Variants in VPS53 observed in about 807,000 individuals in gnomAD.
VPS53 encodes VPS53 subunit of GARP complex, also known as vacuolar protein sorting-associated protein 53 homolog.
VPS53 carries 70 observed loss-of-function variants against 107.0 expected under a neutral mutation model. That is an observed-to-expected ratio of 0.65 (90% CI 0.54 to 0.80). The LOEUF (loss-of-function observed/expected upper bound fraction) is 0.80, where lower values mean the gene tolerates loss of function less well. Ranked by LOEUF, VPS53 falls within the 30% of genes least tolerant of loss-of-function variation. The pLI, the probability that VPS53 is intolerant of heterozygous loss-of-function variation, is 0.00. For synonymous variants in VPS53, 409 were observed against 393.3 expected (o/e 1.04, Z -0.47); for missense variants, 917 against 1,049.4 (o/e 0.87, Z 1.74).
In VPS53 at chr17:657,359, G is replaced by C. The variant is rs143421272; in HGVS notation, c.373-1406C>G. ...TTATATCAGTTCGGACCGTGCCATCGATCTTAATGAACCGCTGCATGCAAA... is the reference window on the plus strand; with the variant it reads ...TTATATCAGTTCGGACCGTGCCATCCATCTTAATGAACCGCTGCATGCAAA... On this transcript the variant is annotated intron_variant, in intron 5 of 21. Transcript: ENST00000437048. The C allele has an allele frequency of 3.9e-6, 3 of 768,584 alleles. No individual in the cohort carries two copies. In the East Asian group the frequency reaches 7.3e-5, roughly 19 times the overall value. 47.6% of individuals were successfully genotyped at this position (768,584 alleles called of 1,614,324 possible).
intron 11 of VPS53, among the ~76,000 whole-genome samples, chr17:604,310 G>GC (rs1968462663): frequency 6.6e-6 from 1 of 152,048 alleles, no homozygotes; most frequent in Non-Finnish European, 1.5e-5. Context: ...CTGGCGTAAA[G>GC]CATCAAGAAA....
At chr17:700,684 T>C (rs2143941708) in intron 2 of VPS53, among the ~76,000 whole-genome samples, 1 of 152,110 alleles carries the variant, frequency 6.6e-6, no homozygotes, top group South Asian at 2.1e-4. Context: ...GATGAGAAAA[T>C]GTGAGGAAAT....
intron 4 of VPS53, among the ~76,000 whole-genome samples, chr17:663,415 G>A (rs747817204): frequency 5.9e-5 from 9 of 151,816 alleles, no homozygotes; most frequent in African/African-American, 7.3e-5. Context: ...GCACTGGACC[G>A]TCCGTGAGTA....
intron 4 of VPS53, among the ~76,000 whole-genome samples, chr17:689,400 C>T (rs899853971): frequency 1.3e-5 from 2 of 151,758 alleles, no homozygotes; most frequent in Non-Finnish European, 2.9e-5. Flanking sequence ...TGGGCTCACG[C>T]AATCCTCCTA....
intron 5 of VPS53, among the ~76,000 whole-genome samples, chr17:660,295 G>A (rs1971389603): frequency 6.6e-6 from 1 of 151,988 alleles, no homozygotes; most frequent in Non-Finnish European, 1.5e-5. Context: ...ATAAGGTTGT[G>A]GTGAGGGCTA....
At chr17:582,240 C>A (rs930328822) in intron 13 of VPS53, among the ~76,000 whole-genome samples, 3 of 147,384 alleles carry the variant, frequency 2.0e-5, no homozygotes, top group African/African-American at 4.9e-5. Context: ...CCCAGAGAAC[C>A]TCCCTCAGAA....
intron 2 of VPS53, among the ~76,000 whole-genome samples, chr17:709,695 T>C (rs1472467353): frequency 6.6e-6 from 1 of 151,964 alleles, no homozygotes; most frequent in Non-Finnish European, 1.5e-5. Flanking sequence ...ACTGAAAAAA[T>C]GGAAACGAAG....
At chr17:610,350 G>A (rs966002410) in intron 11 of VPS53, among the ~76,000 whole-genome samples, 1 of 152,124 alleles carries the variant, frequency 6.6e-6, no homozygotes, top group Non-Finnish European at 1.5e-5. Context: ...ATTTTCATAT[G>A]TGTGTGTGAG....
intron 13 of VPS53, among the ~76,000 whole-genome samples, chr17:570,900 G>C (rs148323662): frequency 7.2e-5 from 11 of 152,260 alleles, no homozygotes; most frequent in Non-Finnish European, 1.2e-4. Flanking sequence ...TTGTATCAAC[G>C]TTAATTTCCT....
intron 15 of VPS53, among the ~76,000 whole-genome samples, chr17:558,397 G>C (rs1362126724): frequency 6.6e-6 from 1 of 152,164 alleles, no homozygotes; most frequent in Non-Finnish European, 1.5e-5. Flanking sequence ...ACTTTGGGAG[G>C]CCAAGACGGG....
intron 17 of VPS53, among the ~76,000 whole-genome samples, chr17:549,411 A>G (rs190836481): frequency 6.6e-6 from 1 of 152,034 alleles, no homozygotes; most frequent in Non-Finnish European, 1.5e-5. Context: ...TTTTCCTATG[A>G]TATAAACAAA....
At chr17:707,844 CA>C (rs10708313) in intron 2 of VPS53, among the ~76,000 whole-genome samples, 27,625 of 126,844 alleles carry the variant, frequency 0.22, 3,115 homozygotes, top group Non-Finnish European at 0.29. Flanking sequence ...AACTCTCTTT[CA>C]AAAAAAAAAA....
intron 7 of VPS53, among the ~76,000 whole-genome samples, chr17:644,685 G>C (rs1299552348): frequency 6.6e-6 from 1 of 151,660 alleles, no homozygotes; most frequent in Non-Finnish European, 1.5e-5. Context: ...CGGAGCTCAA[G>C]TGATCCTCCC....
At chr17:699,145 C>A (rs1218628129) in intron 3 of VPS53, among the ~76,000 whole-genome samples, 186 bp downstream of exon 3, 1 of 151,842 alleles carries the variant, frequency 6.6e-6, no homozygotes, top group Non-Finnish European at 1.5e-5. Context: ...CCAGCCTAGG[C>A]AATGAGCAAA....
At chr17:688,721 C>G (rs544445176) in intron 4 of VPS53, among the ~76,000 whole-genome samples, 3 of 152,264 alleles carry the variant, frequency 2.0e-5, no homozygotes, top group Non-Finnish European at 2.9e-5. Context: ...AAAGGCAAGC[C>G]AACCTTGACC....
Position 551,870 on chromosome 17 carries a change from A to G in VPS53, c.1866+2T>C. 6.3e-7 allele frequency: 1 copy of G among 1,597,176 alleles called. No individual in the cohort carries two copies. Among genetic ancestry groups the G allele is most frequent in the Non-Finnish European group, 8.5e-7 (1 of 1,171,006 alleles). On this transcript the variant is annotated splice_donor_variant, in intron 17 of 21. Coordinates refer to ENST00000437048, the MANE Select transcript of VPS53 (RefSeq NM_001128159.3). LOFTEE classifies it high-confidence loss of function. The stretch of plus-strand genomic sequence containing the variant: ...GTAGGATGCCATTTCCCAAGACCTT[A>G]CCTTGCTCATGGCAGTCAGGGCAGG...
intron 15 of VPS53, among the ~76,000 whole-genome samples, chr17:557,142 C>T (rs757375670): frequency 3.9e-5 from 6 of 152,116 alleles, no homozygotes; most frequent in Non-Finnish European, 7.4e-5. Context: ...CATGAGCCAC[C>T]GCGCCCCCAC....
chr17:681,086 ATAAC>A (rs1165541715), intron 4 of VPS53, among the ~76,000 whole-genome samples: 2 of 152,210 alleles, frequency 1.3e-5, no homozygotes, highest in African/African-American at 4.8e-5. Context: ...TTTTTGAAAA[ATAAC>A]TATATTTTCC....
rs200002273 is a variant in VPS53 at position 599,776 on chromosome 17, C to A, written c.1218+2019G>T. Among the ~76,000 whole-genome samples, 649 of 79,908 alleles carry A rather than the reference C, an allele frequency of 8.1e-3. 8 individuals carry two copies. In the East Asian group the frequency reaches 0.11, roughly 14 times the overall value. 52.4% of individuals were successfully genotyped at this position (79,908 alleles called of 152,430 possible). A position where few individuals can be genotyped will look rare whatever the true frequency, so the allele number is the denominator to read the frequency against. ...AAAATAAATAAATTAAAAAAAAAAACAAAAACAAAATGACTTGCGATAAAA... is the reference window on the plus strand; with the variant it reads ...AAAATAAATAAATTAAAAAAAAAAAAAAAAACAAAATGACTTGCGATAAAA... On this transcript the variant is annotated intron_variant, in intron 12 of 21. Transcript: ENST00000437048.
Sources: gnomAD v4.1 joint callset for allele counts (sites outside exome capture counted in the v4.1 genomes callset) on GRCh38, gnomAD v4.1.1 for gene constraint, MANE v1.5 for transcripts, NCBI Gene and HGNC (gene_info 2026-07-23, HGNC 2026-07-21) for gene names.